GABRG3: variants seen among roughly 807,000 people sequenced by gnomAD.
GABRG3 encodes gamma-aminobutyric acid receptor subunit gamma-3.
Under a neutral mutation model 48.8 loss-of-function variants are expected in GABRG3, and 25 were observed. The observed-to-expected ratio is 0.51, with a 90% CI of 0.37 to 0.72. GABRG3 has a LOEUF of 0.72. GABRG3 is among the 30% of genes least tolerant of loss of function. The pLI is 0.00. For missense variants in GABRG3, 394 were observed against 577.9 expected, an observed-to-expected ratio of 0.68 and a Z score of 3.26; for synonymous variants, 227 against 217.6, an observed-to-expected ratio of 1.04 and a Z score of -0.38.
At chr15:27,130,790 T>C (rs894689973) in intron 3 of GABRG3, among the ~76,000 whole-genome samples, 1 of 152,126 alleles carries the variant, frequency 6.6e-6, no homozygotes, top group Non-Finnish European at 1.5e-5. Context: ...GTAAATGGAA[T>C]TGTTTCTTAA....
intron 6 of GABRG3, among the ~76,000 whole-genome samples, chr15:27,515,445 C>T (rs1394844101): frequency 1.2e-4 from 18 of 152,076 alleles, no homozygotes; most frequent in Admixed American, 1.1e-3. Context: ...GACAAGTCAC[C>T]TCAGGGCAAA....
At chr15:27,018,428 A>G (rs1895818020) in intron 2 of GABRG3, among the ~76,000 whole-genome samples, 1 of 152,204 alleles carries the variant, frequency 6.6e-6, no homozygotes, top group Admixed American at 6.5e-5. Context: ...ATTTTATATG[A>G]ATGTGCAAAA....
At chr15:27,483,510 A>G (rs1164484994) in intron 6 of GABRG3, among the ~76,000 whole-genome samples, 1 of 152,224 alleles carries the variant, frequency 6.6e-6, no homozygotes, top group African/African-American at 2.4e-5. Flanking sequence ...CTTCAGGTGA[A>G]TACAATTTAA....
chr15:27,485,450 G>A (rs1420319106), intron 6 of GABRG3, among the ~76,000 whole-genome samples: 1 of 152,124 alleles, frequency 6.6e-6, no homozygotes, highest in Non-Finnish European at 1.5e-5. Flanking sequence ...CATCACTGAG[G>A]TTGCACCAGG....
chr15:27,146,386 T>C (rs914678861), intron 3 of GABRG3, among the ~76,000 whole-genome samples: 4 of 152,048 alleles, frequency 2.6e-5, no homozygotes, highest in Non-Finnish European at 5.9e-5. Context: ...GAACCTGGGA[T>C]GCGGAGCTTG....
chr15:27,437,025 GAGA>G (rs1888637014), intron 5 of GABRG3, among the ~76,000 whole-genome samples: 2 of 151,288 alleles, frequency 1.3e-5, no homozygotes, highest in South Asian at 2.1e-4. Flanking sequence ...GAGAGAGAGA[GAGA>G]GAGAGCGCCC....
chr15:27,313,240 ATGTG>A (rs1169973611), intron 3 of GABRG3, among the ~76,000 whole-genome samples: 78 of 56,862 alleles, frequency 1.4e-3, no homozygotes, highest in East Asian at 1.3e-3. Flanking sequence ...ATATGTATAT[ATGTG>A]TGTGTGTGTG....
chr15:27,285,914 A>G (rs906755390), intron 3 of GABRG3, among the ~76,000 whole-genome samples: 1 of 152,162 alleles, frequency 6.6e-6, no homozygotes, highest in African/African-American at 2.4e-5. Flanking sequence ...ATGATGACCA[A>G]TGAGAGTGCA....
chr15:27,264,155 G>A (rs1403733630), intron 3 of GABRG3, among the ~76,000 whole-genome samples: 1 of 151,960 alleles, frequency 6.6e-6, no homozygotes, highest in Non-Finnish European at 1.5e-5. Context: ...ACAGACAGCG[G>A]CCTCTGGAGA....
chr15:27,315,005 A>G (rs1288759799), intron 3 of GABRG3, among the ~76,000 whole-genome samples: 2 of 152,226 alleles, frequency 1.3e-5, no homozygotes, highest in Non-Finnish European at 2.9e-5. Flanking sequence ...TGTATTTTAC[A>G]ACACTTAAAA....
chr15:26,991,441 T>A (rs1053886911), intron 2 of GABRG3, among the ~76,000 whole-genome samples: 5 of 152,194 alleles, frequency 3.3e-5, no homozygotes, highest in Non-Finnish European at 4.4e-5. Flanking sequence ...GATAGTTTTT[T>A]AAAATTTTAT....
chr15:27,527,000 A>G (rs1035943686), intron 7 of GABRG3, among the ~76,000 whole-genome samples: 1 of 152,168 alleles, frequency 6.6e-6, no homozygotes, highest in Non-Finnish European at 1.5e-5. Flanking sequence ...CGTGGAAGGC[A>G]AGAGTGGTGC....
intron 3 of GABRG3, among the ~76,000 whole-genome samples, chr15:27,280,614 TA>T (rs1327169696): frequency 6.6e-6 from 1 of 152,244 alleles, no homozygotes; most frequent in Admixed American, 6.5e-5. Flanking sequence ...GTATGTTTTA[TA>T]ATTTCCAAAT....
chr15:26,974,905 G>A lies in GABRG3; in HGVS notation c.54-2097G>A, dbSNP rs1020755646. ...TTATTATTATTTGAGATGGAGTCTC[G>A]CTCTGTTGCCCAGGCTGGAGTGCAG... On this transcript the variant is annotated intron_variant, in intron 1 of 9. Transcript: ENST00000615808. This position sits in a 1 kb window ranked among gnomAD's most constrained non-coding sequence, Gnocchi z 4.3. 2.0e-5 allele frequency among the ~76,000 whole-genome samples: 3 copies of A among 147,048 alleles called. No homozygotes were observed. The highest frequency in any genetic ancestry group is 2.2e-4 in the South Asian group (1 of 4,640).
At chr15:27,257,556 T>C (rs2140464208) in intron 3 of GABRG3, among the ~76,000 whole-genome samples, 1 of 152,346 alleles carries the variant, frequency 6.6e-6, no homozygotes, top group South Asian at 2.1e-4. Context: ...TTTTCATTTA[T>C]AGTATAAGGG....
chr15:27,028,805 CAAAAAA>C (rs35610809), intron 3 of GABRG3, among the ~76,000 whole-genome samples: 4 of 102,552 alleles, frequency 3.9e-5, no homozygotes, highest in South Asian at 7.8e-4. Flanking sequence ...GACTTCATCT[CAAAAAA>C]AAAAAAAAAA....
chr15:27,404,621 CAG>C (rs1887578226), intron 5 of GABRG3, among the ~76,000 whole-genome samples: 1 of 152,180 alleles, frequency 6.6e-6, no homozygotes, highest in Non-Finnish European at 1.5e-5. Context: ...GATGCTGACA[CAG>C]GGGTAGCAGT....
intron 5 of GABRG3, among the ~76,000 whole-genome samples, chr15:27,373,836 C>G (rs1212131782): frequency 6.6e-6 from 1 of 152,028 alleles, no homozygotes. Context: ...AAGGAGAATC[C>G]TCATCAGTTC....
chr15:27,486,236 G>T (rs1049435162), intron 6 of GABRG3, among the ~76,000 whole-genome samples: 1 of 152,122 alleles, frequency 6.6e-6, no homozygotes, highest in Admixed American at 6.5e-5. Flanking sequence ...GAAGCCTGGG[G>T]CTCCAGATTA....
Sources: allele counts gnomAD v4.1 joint callset (sites outside exome capture counted in the v4.1 genomes callset), GRCh38; gene constraint gnomAD v4.1.1; non-coding constraint Gnocchi (gnomAD v3.1); transcripts MANE v1.5; gene names NCBI Gene and HGNC (gene_info 2026-07-23, HGNC 2026-07-21).